Variants in MAPKAPK5 observed in about 807,000 individuals in gnomAD.
MAPKAPK5 encodes MAP kinase-activated protein kinase 5.
MAPKAPK5 carries 30 observed loss-of-function variants against 65.1 expected under a neutral mutation model. That is an observed-to-expected ratio of 0.46 (90% CI 0.34 to 0.63). The LOEUF is 0.63. MAPKAPK5 is among the 20% of genes least tolerant of loss of function. MAPKAPK5 has a pLI of 0.01. For synonymous variants in MAPKAPK5, 179 were observed against 204.6 expected (o/e 0.87, Z 1.07); for missense variants, 433 against 581.4 (o/e 0.74, Z 2.63).
intron 13 of MAPKAPK5, among the ~76,000 whole-genome samples, chr12:111,890,877 T>C (rs1303309464): frequency 2.0e-5 from 3 of 151,482 alleles, no homozygotes; most frequent in Admixed American, 2.0e-4. Context: ...AGGCTGGTCT[T>C]GAACTCCTGG....
At chr12:111,881,795 A>G (rs1320487496) in intron 8 of MAPKAPK5, among the ~76,000 whole-genome samples, 1 of 152,166 alleles carries the variant, frequency 6.6e-6, no homozygotes, top group African/African-American at 2.4e-5. Flanking sequence ...AAAAGATGCT[A>G]CTTGGGGACT....
Position 111,883,613 on chromosome 12 carries a change from C to T in MAPKAPK5, c.693C>T (p.Ile231=). The change falls in exon 9 of 14, where the codon ATC becomes ATT. Residue 231 remains isoleucine, a synonymous_variant. Transcript: ENST00000550735. The surrounding 1 kb of genome is among the most constrained non-coding windows in gnomAD (Gnocchi z 4.8). ...SCDLWSLGVI[I]YVMLCGYPPF... is the part of the protein sequence containing the mutation. ...ACTTGTGGTCCCTAGGGGTGATTAT[C>T]TATGTGATGCTGTGCGGATACCCTC... 2 of 1,613,724 alleles carry T rather than the reference C, an allele frequency of 1.2e-6. No individual in the cohort carries two copies. The highest frequency in any genetic ancestry group is 1.6e-4 in the Middle Eastern group (1 of 6,062).
chr12:111,844,245 C>T (rs2068834378), intron 1 of MAPKAPK5, among the ~76,000 whole-genome samples: 1 of 151,124 alleles, frequency 6.6e-6, no homozygotes, highest in South Asian at 2.1e-4. Flanking sequence ...GGCTGGAGTG[C>T]AGTGGGATGC....
chr12:111,888,664 T>C, intron 11 of MAPKAPK5, 46 bp downstream of exon 11: 2 of 1,611,626 alleles, frequency 1.2e-6, no homozygotes, highest in Non-Finnish European at 8.5e-7. Context: ...CTGGAATGGC[T>C]GAGTACTGGG....
rs1160595854 is a variant in MAPKAPK5, at chr12:111,900,827, A to T, written c.*7766A>T. On this transcript the variant is annotated 3_prime_UTR_variant, in exon 14 of 14. Transcript: ENST00000550735. ...ACAGGCATAAGCAAGATGGCTCAAA[A>T]TGTCATACAATTTACGAGTGCCTTA... 4 of 455,990 alleles carry T rather than the reference A, an allele frequency of 8.8e-6. No homozygotes were observed. The highest frequency in any genetic ancestry group is 3.2e-4 in the Middle Eastern group (1 of 3,092). 28.2% of individuals were successfully genotyped at this position (455,990 alleles called of 1,614,324 possible).
At chr12:111,862,097 C>T (rs1413399892) in intron 1 of MAPKAPK5, among the ~76,000 whole-genome samples, 1 of 146,864 alleles carries the variant, frequency 6.8e-6, no homozygotes, top group African/African-American at 2.7e-5. Context: ...TCTCCTTTGT[C>T]ATTAAAATAT....
At position 111,846,699 on chromosome 12, in the gene MAPKAPK5, A is replaced by C. The variant is rs574640924; in HGVS notation, c.36+3930A>C. On this transcript the variant is annotated intron_variant, in intron 1 of 13. Coordinates refer to ENST00000550735, the MANE Select transcript of MAPKAPK5 (RefSeq NM_003668.4). The stretch of plus-strand genomic sequence containing the variant: ...TTTTTAGTAGAGACGGGGTTTCACC[A>C]TGTTGGCCAGGCTGATCTCGAACTC... Among the ~76,000 whole-genome samples the C allele has an allele frequency of 7.9e-5, 12 of 151,770 alleles. No individual in the cohort carries two copies. The East Asian group carries it at 2.3e-3, about 30-fold the overall frequency.
At chr12:111,884,365 C>T (rs1401663830) in intron 9 of MAPKAPK5, among the ~76,000 whole-genome samples, 1 of 152,206 alleles carries the variant, frequency 6.6e-6, no homozygotes, top group Non-Finnish European at 1.5e-5. Context: ...AGCCCGCTAA[C>T]ACGCCCAGCT....
intron 1 of MAPKAPK5, among the ~76,000 whole-genome samples, chr12:111,857,366 G>A (rs770907513): frequency 3.3e-5 from 5 of 151,338 alleles, no homozygotes; most frequent in African/African-American, 4.9e-5. Context: ...CTCACCCTCC[G>A]TAGTAGCTGG....
rs1200283895 is a variant in MAPKAPK5, at chr12:111,884,585, CAG to C, written c.848+820_848+821del. On this transcript the variant is annotated intron_variant, in intron 9 of 13. Coordinates refer to ENST00000550735, the MANE Select transcript of MAPKAPK5 (RefSeq NM_003668.4). ...GAGTGGATGAGGGAGAGTTGATATT[CAG>C]AGTCTTTTGGTAGCTGTAGGACTAG... Among the ~76,000 whole-genome samples the C allele has an allele frequency of 3.9e-5, 6 of 152,312 alleles. No individual in the cohort carries two copies. In the East Asian group the frequency reaches 5.8e-4, roughly 15 times the overall value.
At position 111,893,819 on chromosome 12, in the gene MAPKAPK5, G is replaced by C. The variant is rs2070707753; in HGVS notation, c.*758G>C. ...CAACCTCCGCCTCCCAGGTTCCAGT[G>C]ATCCTCCCACATCAGCCTCCCAAGT... On this transcript the variant is annotated 3_prime_UTR_variant, in exon 14 of 14. Coordinates refer to ENST00000550735, the MANE Select transcript of MAPKAPK5 (RefSeq NM_003668.4). 6.6e-6 allele frequency: 1 copy of C among 150,686 alleles called. No homozygotes were observed. The highest frequency in any genetic ancestry group is 2.4e-5 in the African/African-American group (1 of 40,848). The allele number at this position is 150,686 out of a possible 1,614,324, so 9.3% of individuals were successfully genotyped here.
At chr12:111,857,949 A>T (rs1013395340) in intron 1 of MAPKAPK5, among the ~76,000 whole-genome samples, 7 of 151,030 alleles carry the variant, frequency 4.6e-5, no homozygotes, top group African/African-American at 1.5e-4. Flanking sequence ...CCTAGGCTGG[A>T]GTGCAGTGGC....
Position 111,901,384 on chromosome 12 carries a change from G to C in MAPKAPK5, c.*8323G>C. ...GGTAGTGTGGACAGTGGCCCTCCTG[G>C]TAAGCTAGGTGGGACACCTTCAGGA... On this transcript the variant is annotated 3_prime_UTR_variant, in exon 14 of 14. Transcript: ENST00000550735. The C allele has an allele frequency of 4.4e-6, 2 of 455,950 alleles. No individual in the cohort carries two copies. Among genetic ancestry groups the C allele is most frequent in the Non-Finnish European group, 8.8e-6 (2 of 226,798 alleles). 28.2% of individuals were successfully genotyped at this position (455,950 alleles called of 1,614,324 possible). A position where few individuals can be genotyped will look rare whatever the true frequency, so the allele number is the denominator to read the frequency against.
rs1441107709 is a variant in MAPKAPK5 at position 111,896,794 on chromosome 12, T to C, written c.*3733T>C. The C allele has an allele frequency of 2.6e-5, 4 of 152,180 alleles. No individual in the cohort carries two copies. Among genetic ancestry groups the C allele is most frequent in the African/African-American group, 7.2e-5 (3 of 41,454 alleles). The allele number at this position is 152,180 out of a possible 1,614,324, so 9.4% of individuals were successfully genotyped here. A position where few individuals can be genotyped will look rare whatever the true frequency, so the allele number is the denominator to read the frequency against. The stretch of plus-strand genomic sequence containing the variant: ...AAAACTTGTCTCTCTCTGACTAATA[T>C]GTATGAATATAGGAGAATCCCAGTC... On this transcript the variant is annotated 3_prime_UTR_variant, in exon 14 of 14. Transcript: ENST00000550735.
rs1329764488 is a variant in MAPKAPK5 at position 111,896,547 on chromosome 12, A to C, written c.*3486A>C. ...CAGGTTTGCTACTCGAAATTTGCAC[A>C]TAACTGGAAGTGAAACGATATCTTT... On this transcript the variant is annotated 3_prime_UTR_variant, in exon 14 of 14. Transcript: ENST00000550735. The C allele has an allele frequency of 6.6e-6, 1 of 152,240 alleles. No homozygotes were observed. Among genetic ancestry groups the C allele is most frequent in the African/African-American group, 2.4e-5 (1 of 41,456 alleles). The allele number at this position is 152,240 out of a possible 1,614,324, so 9.4% of individuals were successfully genotyped here. A position where few individuals can be genotyped will look rare whatever the true frequency, so the allele number is the denominator to read the frequency against.
chr12:111,857,656 A>T (rs1024872808), intron 1 of MAPKAPK5, among the ~76,000 whole-genome samples: 1 of 152,068 alleles, frequency 6.6e-6, no homozygotes, highest in Non-Finnish European at 1.5e-5. Context: ...TTCAGTGTTT[A>T]TTTATTTGAT....
chr12:111,847,272 C>T (rs770433798), intron 1 of MAPKAPK5, among the ~76,000 whole-genome samples: 2 of 148,628 alleles, frequency 1.3e-5, no homozygotes, highest in South Asian at 4.2e-4. Flanking sequence ...CACTTGAACA[C>T]GGGAGGTGGA....
Position 111,900,559 on chromosome 12 carries a change from G to A in MAPKAPK5, c.*7498G>A, listed in dbSNP as rs542805566. ...AAGCCACGGCCCAGGGGCCGCAAGCGTAGGGATTCTGCCTGTGGAAATGGT... is the reference window on the plus strand; with the variant it reads ...AAGCCACGGCCCAGGGGCCGCAAGCATAGGGATTCTGCCTGTGGAAATGGT... On this transcript the variant is annotated 3_prime_UTR_variant, in exon 14 of 14. Coordinates refer to ENST00000550735, the MANE Select transcript of MAPKAPK5 (RefSeq NM_003668.4). 22 of 456,152 alleles carry A rather than the reference G, an allele frequency of 4.8e-5. No individual in the cohort carries two copies. Among genetic ancestry groups the A allele is most frequent in the Middle Eastern group, 3.3e-4 (1 of 3,070 alleles). The allele number at this position is 456,152 out of a possible 1,614,324, so 28.3% of individuals were successfully genotyped here.
In MAPKAPK5 at chr12:111,901,335, G is replaced by T. The variant is rs758025063; in HGVS notation, c.*8274G>T. 8.8e-6 allele frequency: 4 copies of T among 455,844 alleles called. No homozygotes were observed. Among genetic ancestry groups the T allele is most frequent in the Non-Finnish European group, 1.8e-5 (4 of 226,792 alleles). The allele number at this position is 455,844 out of a possible 1,614,324, so 28.2% of individuals were successfully genotyped here. ...CTGTAATGAAGGGCATGCCCCCCCT[G>T]ACTGTGTTACTGCAGGAAGTGGAGG... On this transcript the variant is annotated 3_prime_UTR_variant, in exon 14 of 14. Transcript: ENST00000550735.
Sources: allele counts gnomAD v4.1 joint callset (sites outside exome capture counted in the v4.1 genomes callset), GRCh38; gene constraint gnomAD v4.1.1; non-coding constraint Gnocchi (gnomAD v3.1); transcripts MANE v1.5; gene names NCBI Gene and HGNC (gene_info 2026-07-23, HGNC 2026-07-21).